Variants in MON2 observed in about 807,000 individuals in gnomAD.
MON2 encodes protein MON2 homolog.
A neutral mutation model predicts 208.6 loss-of-function variants in MON2; 84 were observed. The ratio of observed to expected loss-of-function variants is 0.40; its 90% CI spans 0.34 to 0.48. The LOEUF is 0.48. MON2 is among the 20% of genes least tolerant of loss of function. MON2 has a pLI of 0.59. For missense variants in MON2, 1,611 were observed against 2,015.4 expected, an observed-to-expected ratio of 0.80 and a Z score of 3.84; for synonymous variants, 660 against 694.0, an observed-to-expected ratio of 0.95 and a Z score of 0.77.
chr12:62,530,744 A>G (rs2072596349), intron 11 of MON2, among the ~76,000 whole-genome samples: 2 of 152,186 alleles, frequency 1.3e-5, no homozygotes, highest in Non-Finnish European at 2.9e-5. Context: ...TCTGTTGGGT[A>G]TACAACTAGT....
intron 4 of MON2, among the ~76,000 whole-genome samples, chr12:62,497,485 A>G (rs2070580474): frequency 1.3e-5 from 2 of 152,322 alleles, no homozygotes; most frequent in South Asian, 2.1e-4. Flanking sequence ...TTATGCTTCC[A>G]TTAGAATAGT....
At chr12:62,474,291 G>A (rs1195160278) in intron 1 of MON2, among the ~76,000 whole-genome samples, 1 of 151,514 alleles carries the variant, frequency 6.6e-6, no homozygotes, top group Non-Finnish European at 1.5e-5. Context: ...GCTAATTTTT[G>A]TATTTTCAGT....
intron 24 of MON2, among the ~76,000 whole-genome samples, chr12:62,554,866 C>T (rs935500613): frequency 1.7e-4 from 26 of 152,078 alleles, no homozygotes; most frequent in Non-Finnish European, 3.1e-4. Flanking sequence ...GTGATCTCTG[C>T]TCACTGCAAG....
At chr12:62,561,472 AT>A (rs942228802) in intron 26 of MON2, among the ~76,000 whole-genome samples, 3 of 152,076 alleles carry the variant, frequency 2.0e-5, no homozygotes, top group African/African-American at 4.8e-5. Context: ...GTGGGATTAT[AT>A]TTTTTTAATC....
Position 62,524,593 on chromosome 12 carries a change from G to A in MON2, c.1063G>A (p.Ala355Thr), listed in dbSNP as rs778460872. The A allele has an allele frequency of 6.2e-7, 1 of 1,613,602 alleles. No homozygotes were observed. The highest frequency in any genetic ancestry group is 8.5e-7 in the Non-Finnish European group (1 of 1,179,654). Residue 355 changes from alanine (A) to threonine (T), a missense_variant, in exon 9 of 35, where the codon GCG (alanine) becomes ACG (threonine). Ala to Thr is a moderately conservative substitution (Grantham distance 58). Coordinates refer to ENST00000393630, the MANE Select transcript of MON2 (RefSeq NM_015026.3). ...TAAACCACAGTGGCTACGAGCTGTT[G>A]CGGTGGAATCAATACACAGATTCTG... ...ADKPQWLRAV[A>T]VESIHRFCVQ...
chr12:62,475,168 G>C (rs1165704199), intron 1 of MON2, among the ~76,000 whole-genome samples: 2 of 151,902 alleles, frequency 1.3e-5, no homozygotes, highest in Non-Finnish European at 2.9e-5. Flanking sequence ...CCCCAACTAG[G>C]TTACCTGCTA....
At chr12:62,545,999 C>T (rs982449619) in intron 21 of MON2, among the ~76,000 whole-genome samples, 1 of 151,896 alleles carries the variant, frequency 6.6e-6, no homozygotes, top group Non-Finnish European at 1.5e-5. Flanking sequence ...TAAATGAATC[C>T]CCTAGAGAGA....
At chr12:62,496,222 C>A (rs1342100522) in intron 4 of MON2, among the ~76,000 whole-genome samples, 2 of 151,748 alleles carry the variant, frequency 1.3e-5, no homozygotes, top group East Asian at 3.9e-4. Flanking sequence ...TTTTGTATAT[C>A]CTTTTGTGTA....
chr12:62,560,365 A>G (rs562859137), intron 25 of MON2, 126 bp from the exon 26 acceptor site: 6 of 921,506 alleles, frequency 6.5e-6, no homozygotes, highest in Non-Finnish European at 9.8e-6. Flanking sequence ...GTACCTAGTC[A>G]TATATTTTCC....
rs1373630945 is a variant in MON2 at position 62,598,996 on chromosome 12, A to G, written c.*6247A>G. 6.6e-6 allele frequency: 1 copy of G among 152,096 alleles called. No individual in the cohort carries two copies. The highest frequency in any genetic ancestry group is 2.4e-5 in the African/African-American group (1 of 41,420). The allele number at this position is 152,096 out of a possible 1,614,324, so 9.4% of individuals were successfully genotyped here. A position where few individuals can be genotyped will look rare whatever the true frequency, so the allele number is the denominator to read the frequency against. On this transcript the variant is annotated 3_prime_UTR_variant, in exon 35 of 35. Transcript: ENST00000393630. ...CCAGTGATTCATTTTTTTCTTGAAT[A>G]TACTTTGTGTTTGCTTTCTCATCCC... is the stretch of plus-strand genomic sequence containing the variant.
intron 8 of MON2, among the ~76,000 whole-genome samples, chr12:62,523,855 CTTT>C (rs1205158349): frequency 6.6e-6 from 1 of 152,062 alleles, no homozygotes; most frequent in Non-Finnish European, 1.5e-5. Flanking sequence ...AACGGGTTAG[CTTT>C]TGTTTGTTCA....
intron 8 of MON2, among the ~76,000 whole-genome samples, chr12:62,521,231 A>G (rs1316256065): frequency 6.6e-6 from 1 of 152,076 alleles, no homozygotes; most frequent in Non-Finnish European, 1.5e-5. Flanking sequence ...CTAGTTTTGA[A>G]TTCCTGACCT....
chr12:62,492,945 C>G (rs977304452), intron 2 of MON2, among the ~76,000 whole-genome samples: 1 of 151,794 alleles, frequency 6.6e-6, no homozygotes, highest in African/African-American at 2.4e-5. Context: ...TGCCACTGCT[C>G]TCCAGCCTGG....
At chr12:62,543,335 T>C in intron 20 of MON2, 137 bp downstream of exon 20, 1 of 430,888 alleles carries the variant, frequency 2.3e-6, no homozygotes, top group Non-Finnish European at 4.0e-6. Flanking sequence ...CTTATGTTTG[T>C]ACATTTTATC....
At chr12:62,571,276 C>A in intron 29 of MON2, 116 bp from the exon 30 acceptor site, 1 of 779,402 alleles carries the variant, frequency 1.3e-6, no homozygotes, top group Non-Finnish European at 1.9e-6. Flanking sequence ...ATGAAAATAC[C>A]ATCCTTTTTA....
chr12:62,501,768 A>C (rs2070845177), intron 7 of MON2, 70 bp downstream of exon 7: 1 of 1,568,380 alleles, frequency 6.4e-7, no homozygotes. Context: ...AAAGAAAGCA[A>C]CGTGTATTTT....
At chr12:62,492,243 A>AT (rs1353543021) in intron 2 of MON2, among the ~76,000 whole-genome samples, 2 of 152,114 alleles carry the variant, frequency 1.3e-5, no homozygotes, top group Admixed American at 6.5e-5. Context: ...CTGGTTTTAC[A>AT]TTTTTAATGG....
intron 16 of MON2, 97 bp downstream of exon 16, chr12:62,537,803 T>G (rs2073047525): frequency 1.1e-6 from 1 of 922,660 alleles, no homozygotes. Flanking sequence ...TGGACAGGCC[T>G]AAAAAATAGA....
intron 4 of MON2, among the ~76,000 whole-genome samples, chr12:62,495,366 C>T (rs1171127973): frequency 6.6e-6 from 1 of 151,552 alleles, no homozygotes; most frequent in African/African-American, 2.4e-5. Flanking sequence ...TGGGTACAGC[C>T]AACAGGCTGA....
Sources: allele counts gnomAD v4.1 joint callset (sites outside exome capture counted in the v4.1 genomes callset), GRCh38; gene constraint gnomAD v4.1.1; transcripts MANE v1.5; gene names NCBI Gene and HGNC (gene_info 2026-07-23, HGNC 2026-07-21).